Variants in ATM observed in about 807,000 individuals in gnomAD.
ATM encodes serine-protein kinase ATM.
A neutral mutation model predicts 387.0 loss-of-function variants in ATM; 308 were observed. That is an observed-to-expected ratio of 0.80 (90% CI 0.73 to 0.87). ATM has a LOEUF of 0.87. Among genes scored for constraint, ATM ranks in the 40% least tolerant of loss-of-function variants. The pLI is 0.00. For missense variants in ATM, 3,312 were observed against 3,560.9 expected, an observed-to-expected ratio of 0.93 and a Z score of 1.78; for synonymous variants, 1,156 against 1,187.3, an observed-to-expected ratio of 0.97 and a Z score of 0.54.
chr11:108,253,142 A>G (rs2080244520), intron 12 of ATM, among the ~76,000 whole-genome samples: 1 of 152,202 alleles, frequency 6.6e-6, no homozygotes, highest in Non-Finnish European at 1.5e-5. Context: ...ATAATATGTG[A>G]CAAGTGCCAA....
At chr11:108,256,842 T>G (rs1379897633) in intron 14 of ATM, among the ~76,000 whole-genome samples, 1 of 152,214 alleles carries the variant, frequency 6.6e-6, no homozygotes, top group Admixed American at 6.5e-5. Context: ...GCAAAGGACA[T>G]GAACTCATCC....
Position 108,248,181 on chromosome 11 carries a change from A to G in ATM, c.1066-752A>G, listed in dbSNP as rs917692567. Among the ~76,000 whole-genome samples, 63 of 152,172 alleles carry G rather than the reference A, an allele frequency of 4.1e-4. 1 individual carries two copies. The highest frequency in any genetic ancestry group is 1.6e-3 in the Admixed American group (24 of 15,266). On this transcript the variant is annotated intron_variant, in intron 8 of 62. Coordinates refer to ENST00000675843, the MANE Select transcript of ATM (RefSeq NM_000051.4). The stretch of plus-strand genomic sequence containing the variant: ...CAGTTGTATGGATATACTCCATTTT[A>G]CTTACCCATCCATCACCTGATGGCC...
chr11:108,260,568 C>T (rs1398903919), intron 16 of ATM, among the ~76,000 whole-genome samples: 1 of 152,206 alleles, frequency 6.6e-6, no homozygotes, highest in East Asian at 1.9e-4. Flanking sequence ...CATTTTCCTA[C>T]ACCCTCTTTG....
chr11:108,248,843 G>C (rs751255428), intron 8 of ATM, 90 bp from the exon 9 acceptor site: 2 of 1,108,360 alleles, frequency 1.8e-6, no homozygotes, highest in African/African-American at 3.2e-5. Context: ...ATACGAGATC[G>C]TGCTGTTCCA....
At chr11:108,252,953 G>C (rs1467857857) in intron 12 of ATM, 41 bp downstream of exon 12, 2 of 1,488,248 alleles carry the variant, frequency 1.3e-6, no homozygotes, top group Middle Eastern at 1.8e-4. Context: ...TTAAGCTATA[G>C]CTTTAATTAC....
chr11:108,315,965 A>T (rs376757451), intron 41 of ATM, 46 bp from the exon 42 acceptor site: 1 of 1,607,718 alleles, frequency 6.2e-7, no homozygotes, highest in South Asian at 1.1e-5. Context: ...TGAAGGAGTT[A>T]TGTGTGTGTA....
At position 108,350,564 on chromosome 11, in the gene ATM, G is replaced by A. The variant is rs1046374533; in HGVS notation, c.8671+3199G>A. On this transcript the variant is annotated intron_variant, in intron 59 of 62. Coordinates refer to ENST00000675843, the MANE Select transcript of ATM (RefSeq NM_000051.4). ...ACAGAGACAGTCACGGATATTATAT[G>A]GTTTTCCCCAGAATGAATTCTAGAG... 8.5e-5 allele frequency among the ~76,000 whole-genome samples: 13 copies of A among 152,284 alleles called. 1 individual carries two copies. In the East Asian group the frequency reaches 2.5e-3, roughly 29 times the overall value.
At chr11:108,363,027 C>T (rs1384255531) in intron 61 of ATM, among the ~76,000 whole-genome samples, 3 of 152,150 alleles carry the variant, frequency 2.0e-5, no homozygotes, top group Admixed American at 1.3e-4. Flanking sequence ...GTGTATTTTA[C>T]ACTCATCTAC....
At chr11:108,276,651 G>A (rs1048419458) in intron 22 of ATM, among the ~76,000 whole-genome samples, 1 of 152,150 alleles carries the variant, frequency 6.6e-6, no homozygotes, top group Non-Finnish European at 1.5e-5. Context: ...GTTTGCTGGA[G>A]GTCCACTCCA....
intron 40 of ATM, 134 bp from the exon 41 acceptor site, chr11:108,315,689 C>A: frequency 1.4e-6 from 1 of 712,838 alleles, no homozygotes; most frequent in Non-Finnish European, 2.4e-6. Flanking sequence ...ATTTCAGAAT[C>A]ATTACATTTT....
intron 6 of ATM, 109 bp downstream of exon 6, chr11:108,244,227 C>T (rs186848497): frequency 7.8e-7 from 1 of 1,282,450 alleles, no homozygotes; most frequent in Non-Finnish European, 1.1e-6. Context: ...AAACATTGAT[C>T]CATCATAACA....
At chr11:108,281,291 G>A in intron 24 of ATM, 123 bp downstream of exon 24, 2 of 1,027,138 alleles carry the variant, frequency 1.9e-6, no homozygotes, top group Non-Finnish European at 2.9e-6. Flanking sequence ...TATTTTTTAG[G>A]TTGGGAATAT....
chr11:108,249,009 G>T lies in ATM; in HGVS notation c.1142G>T (p.Ser381Ile), dbSNP rs1462596554. 6 of 1,613,470 alleles carry T rather than the reference G, an allele frequency of 3.7e-6. No homozygotes were observed. The highest frequency in any genetic ancestry group is 3.4e-6 in the Non-Finnish European group (4 of 1,179,490). Residue 381 changes from serine to isoleucine, a missense_variant, in exon 9 of 63, where the codon AGT becomes ATT. Around this residue, in one of 4 missense-constraint regions of ATM, gnomAD observed 1,791 missense variants for 1,804.5 expected, o/e 0.99. Transcript: ENST00000675843. ...ACACAAAGAGAATCTAGTGATTACA[G>T]TGTCCCTTGCAAAAGGAAGAAAATA... ...TTTQRESSDY[S>I]VPCKRKKIEL...
chr11:108,362,986 C>T (rs948848323), intron 61 of ATM, among the ~76,000 whole-genome samples: 2 of 151,924 alleles, frequency 1.3e-5, no homozygotes, highest in Admixed American at 1.3e-4. Context: ...ACAAAACAAA[C>T]AAACAAAAAA....
At chr11:108,321,122 T>G (rs2085174675) in intron 44 of ATM, among the ~76,000 whole-genome samples, 179 bp from the exon 45 acceptor site, 1 of 152,234 alleles carries the variant, frequency 6.6e-6, no homozygotes, top group Non-Finnish European at 1.5e-5. Context: ...TAAATTTGTG[T>G]TGTTCAAGGG....
At chr11:108,266,792 T>G (rs921472712) in intron 16 of ATM, among the ~76,000 whole-genome samples, 226 of 147,170 alleles carry the variant, frequency 1.5e-3, no homozygotes, top group African/African-American at 5.4e-3. Context: ...TAGGTAAATT[T>G]TTTTTTTTTT....
At chr11:108,306,940 TA>T (rs2135962975) in intron 37 of ATM, among the ~76,000 whole-genome samples, 1 of 152,344 alleles carries the variant, frequency 6.6e-6, no homozygotes, top group African/African-American at 2.4e-5. Context: ...ATGAATAACT[TA>T]GTCCATTTGT....
intron 5 of ATM, among the ~76,000 whole-genome samples, chr11:108,239,433 A>C (rs1353848674): frequency 2.6e-5 from 4 of 152,184 alleles, no homozygotes; most frequent in African/African-American, 9.6e-5. Context: ...ACACTTACCA[A>C]AATGTCTTTG....
chr11:108,244,263 A>G, intron 6 of ATM, 145 bp downstream of exon 6: 1 of 930,732 alleles, frequency 1.1e-6, no homozygotes, highest in Non-Finnish European at 1.6e-6. Flanking sequence ...TAAAGAGACA[A>G]CCAAGTCCAA....
Sources: allele counts gnomAD v4.1 joint callset (sites outside exome capture counted in the v4.1 genomes callset), GRCh38; gene constraint gnomAD v4.1.1; regional missense constraint gnomAD v4.1.1; transcripts MANE v1.5; gene names NCBI Gene and HGNC (gene_info 2026-07-23, HGNC 2026-07-21).